KLHL5: variants seen among roughly 807,000 people sequenced by gnomAD.
KLHL5 encodes kelch-like protein 5.
KLHL5 carries 48 observed loss-of-function variants against 77.7 expected under a neutral mutation model. The observed-to-expected ratio is 0.62, with a 90% CI of 0.49 to 0.79. The LOEUF (loss-of-function observed/expected upper bound fraction) is 0.79. Among genes scored for constraint, KLHL5 ranks in the 30% least tolerant of loss-of-function variants. The pLI, the probability that KLHL5 is intolerant of heterozygous loss-of-function variation, is 0.00. For synonymous variants in KLHL5, 260 were observed against 297.0 expected (o/e 0.88, Z 1.28); for missense variants, 723 against 859.7 (o/e 0.84, Z 1.99).
chr4:39,062,814 A>G lies in KLHL5; in HGVS notation c.162A>G (p.Leu54=). The G allele has an allele frequency of 6.2e-7, 1 of 1,614,178 alleles. No homozygotes were observed. The highest frequency in any genetic ancestry group is 8.5e-7 in the Non-Finnish European group (1 of 1,180,028). The stretch of plus-strand genomic sequence containing the variant: ...GAGCAAACGGTGGGAGAAAGTTTTT[A>G]GATCCATGTAGCCTACAATTGCCTT... ...QTGANGGRKF[L]DPCSLQLPLA... The change falls in exon 1 of 11, where the codon TTA becomes TTG. Residue 54 remains leucine, a synonymous_variant. Coordinates refer to ENST00000504108, the MANE Select transcript of KLHL5 (RefSeq NM_015990.5).
chr4:39,133,164 C>T, the KLHL5 span, among the ~76,000 whole-genome samples: 2 of 152,058 alleles, frequency 1.3e-5, no homozygotes, highest in Admixed American at 6.6e-5. Context: ...GCTTATCCAG[C>T]AGATGTTTTA....
chr4:39,077,913 G>C (rs550914661), intron 2 of KLHL5, among the ~76,000 whole-genome samples: 1 of 152,274 alleles, frequency 6.6e-6, no homozygotes, highest in East Asian at 1.9e-4. Flanking sequence ...AGAAAATGTG[G>C]TGTATACATA....
intron 1 of KLHL5, among the ~76,000 whole-genome samples, chr4:39,047,114 A>G (rs908309566): frequency 6.6e-6 from 1 of 152,152 alleles, no homozygotes; most frequent in African/African-American, 2.4e-5. Context: ...AGGACCACTG[A>G]ACCTAGAAAA....
chr4:39,062,727 A>G lies in KLHL5; in HGVS notation c.75A>G (p.Ala25=), dbSNP rs1373864668. Reference sequence around the variant, plus strand: ...GATGGAGGTGGTTTGGTCATCAAGCATCATCTCCTAATTCTACAGTTGACA... The same window carrying G: ...GATGGAGGTGGTTTGGTCATCAAGCGTCATCTCCTAATTCTACAGTTGACA... ...KIRWRWFGHQ[A]SSPNSTVDSQ... is the part of the protein sequence containing the mutation. The change falls in exon 1 of 11, where the codon GCA becomes GCG. Residue 25 remains alanine, a synonymous_variant. Transcript: ENST00000504108. The G allele has an allele frequency of 1.9e-6, 3 of 1,614,066 alleles. No homozygotes were observed. The highest frequency in any genetic ancestry group is 2.2e-5 in the South Asian group (2 of 91,094).
intron 1 of KLHL5, among the ~76,000 whole-genome samples, chr4:39,074,362 T>TA (rs1718800516): frequency 6.6e-6 from 1 of 152,208 alleles, no homozygotes. Flanking sequence ...TAGTTCAATG[T>TA]GAGTGTTCTT....
chr4:39,068,437 C>CTGTGTGTGTGTGTGTGTGTG (rs71192818), intron 1 of KLHL5, among the ~76,000 whole-genome samples: 32 of 147,966 alleles, frequency 2.2e-4, no homozygotes, highest in African/African-American at 6.5e-4. Flanking sequence ...CCAGAAAACA[C>CTGTGTGTGTGTGTGTGTGTG]TGTGTGTGTG....
chr4:39,050,015 C>T (rs576758219), intron 1 of KLHL5, among the ~76,000 whole-genome samples: 9 of 152,158 alleles, frequency 5.9e-5, no homozygotes, highest in African/African-American at 2.2e-4. Flanking sequence ...GCAGAGGTTG[C>T]GGTAAGCTGA....
In KLHL5 at chr4:39,125,151, TC is replaced by T. The variant is rs1416896238; in HGVS notation, c.*4086del. Among the ~76,000 whole-genome samples, 1 of 129,582 alleles carries T rather than the reference TC, an allele frequency of 7.7e-6. No individual in the cohort carries two copies. The highest frequency in any genetic ancestry group is 2.6e-5 in the African/African-American group (1 of 37,762). 85.0% of individuals were successfully genotyped at this position (129,582 alleles called of 152,430 possible). Reference sequence around the variant, plus strand: ...TTAGAATGACGAAATAGACCTAGGATCTAAACCTACAGGAAAAAAAATGAAT... The same window carrying T: ...TTAGAATGACGAAATAGACCTAGGATTAAACCTACAGGAAAAAAAATGAAT... On this transcript the variant is annotated 3_prime_UTR_variant, in exon 11 of 11. Transcript: ENST00000504108.
At chr4:39,056,717 A>G (rs2711950) in intron 1 of KLHL5, among the ~76,000 whole-genome samples, 110,585 of 152,106 alleles carry the variant, frequency 0.73, 40,361 homozygotes, top group East Asian at 0.82. Context: ...TGCTTGATAT[A>G]TAATTAAAAC....
Position 39,062,719 on chromosome 4 carries a change from C to A in KLHL5, c.67C>A (p.His23Asn). 6.2e-7 allele frequency: 1 copy of A among 1,614,092 alleles called. No homozygotes were observed. Among genetic ancestry groups the A allele is most frequent in the South Asian group, 1.1e-5 (1 of 91,042 alleles). The stretch of plus-strand genomic sequence containing the variant: ...GAAAATCAGATGGAGGTGGTTTGGT[C>A]ATCAAGCATCATCTCCTAATTCTAC... Reference protein sequence around the residue: ...ILKIRWRWFGHQASSPNSTVD... With the variant: ...ILKIRWRWFGNQASSPNSTVD... The change falls in exon 1 of 11, where the codon CAT (histidine) becomes AAT (asparagine). Residue 23 changes from histidine (H) to asparagine (N), a missense_variant. His to Asn is a moderately conservative substitution (Grantham distance 68). This residue lies in a region of KLHL5 where 221 missense variants were observed against 222.1 expected (regional missense o/e 1.00). Coordinates refer to ENST00000504108, the MANE Select transcript of KLHL5 (RefSeq NM_015990.5).
At position 39,078,043 on chromosome 4, in the gene KLHL5, A is replaced by G. The variant is rs955739327; in HGVS notation, c.566+1896A>G. 3.3e-5 allele frequency among the ~76,000 whole-genome samples: 5 copies of G among 152,180 alleles called. No individual in the cohort carries two copies. The Middle Eastern group carries it at 9.5e-3, about 289-fold the overall frequency. ...TCAAGAATGGAAAACCAAACATCATATGTTCTCTCTCATAAGTGGGAGCTA... is the reference window on the plus strand; with the variant it reads ...TCAAGAATGGAAAACCAAACATCATGTGTTCTCTCTCATAAGTGGGAGCTA... On this transcript the variant is annotated intron_variant, in intron 2 of 10. Coordinates refer to ENST00000504108, the MANE Select transcript of KLHL5 (RefSeq NM_015990.5).
intron 5 of KLHL5, among the ~76,000 whole-genome samples, chr4:39,089,354 A>G (rs1243053312): frequency 6.6e-6 from 1 of 152,184 alleles, no homozygotes; most frequent in East Asian, 1.9e-4. Flanking sequence ...AATTCAGGGA[A>G]TGGGGAAGGA....
downstream of KLHL5, among the ~76,000 whole-genome samples, chr4:39,130,745 C>G (rs1411365495): frequency 6.6e-6 from 1 of 152,176 alleles, no homozygotes; most frequent in Admixed American, 6.5e-5. Flanking sequence ...TTCTTCAAAT[C>G]CGGGCCCTTT....
Position 39,087,911 on chromosome 4 carries a change from A to T in KLHL5, c.1113+1184A>T, listed in dbSNP as rs1410047085. On this transcript the variant is annotated intron_variant, in intron 5 of 10. Transcript: ENST00000504108. ...GCAAAAGTTACTGTTTGTTTTTTAC[A>T]GAGACAGTAATCAATATGGATGCTT... Among the ~76,000 whole-genome samples the T allele has an allele frequency of 7.9e-5, 12 of 152,204 alleles. No individual in the cohort carries two copies. The East Asian group carries it at 2.3e-3, about 29-fold the overall frequency.
chr4:39,121,323 G>A lies in KLHL5; in HGVS notation c.*257G>A, dbSNP rs570993451. The A allele has an allele frequency of 5.8e-5, 29 of 503,150 alleles. No individual in the cohort carries two copies. Among genetic ancestry groups the A allele is most frequent in the African/African-American group, 4.2e-4 (22 of 52,216 alleles). The allele number at this position is 503,150 out of a possible 1,614,324, so 31.2% of individuals were successfully genotyped here. ...CATTCCCGAAGTAATAAGTGAGGAC[G>A]AATGCACTGCTCTGGAACATAACCC... is the stretch of plus-strand genomic sequence containing the variant. On this transcript the variant is annotated 3_prime_UTR_variant, in exon 11 of 11. Transcript: ENST00000504108.
intron 1 of KLHL5, among the ~76,000 whole-genome samples, chr4:39,054,594 A>AGT (rs1204832355): frequency 6.6e-6 from 1 of 152,340 alleles, no homozygotes; most frequent in African/African-American, 2.4e-5. Flanking sequence ...CTGAAGACAA[A>AGT]GGAGGTGAAG....
intron 7 of KLHL5, among the ~76,000 whole-genome samples, chr4:39,105,133 A>G (rs760770709): frequency 6.7e-6 from 1 of 148,728 alleles, no homozygotes; most frequent in Admixed American, 7.0e-5. Flanking sequence ...TTTCATTTAA[A>G]AAAGGAGTTC....
chr4:39,116,033 A>G, intron 10 of KLHL5: 2 of 985,436 alleles, frequency 2.0e-6, no homozygotes, highest in Non-Finnish European at 2.4e-6. Context: ...AAGTATGGTC[A>G]AGAAAACAAA....
At chr4:39,113,281 C>G in intron 9 of KLHL5, 49 bp downstream of exon 9, 1 of 1,404,196 alleles carries the variant, frequency 7.1e-7, no homozygotes, top group Non-Finnish European at 9.9e-7. Flanking sequence ...ATATATAAGT[C>G]TCTGATACTT....
Sources: gnomAD v4.1 joint callset for allele counts (sites outside exome capture counted in the v4.1 genomes callset) on GRCh38, gnomAD v4.1.1 for gene constraint, gnomAD v4.1.1 regional missense constraint, MANE v1.5 for transcripts, NCBI Gene and HGNC (gene_info 2026-07-23, HGNC 2026-07-21) for gene names.